CSMD1: variants seen among roughly 807,000 people sequenced by gnomAD.
CSMD1 encodes CUB and Sushi multiple domains 1.
Under a neutral mutation model 417.5 loss-of-function variants are expected in CSMD1, and 213 were observed. The observed-to-expected ratio is 0.51, with a 90% CI of 0.46 to 0.57. CSMD1 has a LOEUF of 0.57. Ranked by LOEUF, CSMD1 falls within the 20% of genes least tolerant of loss-of-function variation. The pLI is 0.00. For missense variants in CSMD1, 6,923 were observed against 4,529.7 expected (o/e 1.53, Z -15.17); for synonymous variants, 2,862 against 1,736.8 (o/e 1.65, Z -16.11).
At chr8:4,956,621 T>C (rs1809131647) in intron 1 of CSMD1, among the ~76,000 whole-genome samples, 1 of 151,680 alleles carries the variant, frequency 6.6e-6, no homozygotes, top group Non-Finnish European at 1.5e-5. Flanking sequence ...TATAAATATA[T>C]GTAAATGCAG....
intron 1 of CSMD1, among the ~76,000 whole-genome samples, chr8:4,945,678 G>T (rs58584343): frequency 3.7e-4 from 56 of 152,222 alleles, no homozygotes; most frequent in African/African-American, 1.3e-3. Flanking sequence ...CTTTTTTCAA[G>T]AGAACTTGGC....
chr8:4,577,476 C>T (rs1476897559), intron 2 of CSMD1, among the ~76,000 whole-genome samples: 3 of 152,212 alleles, frequency 2.0e-5, no homozygotes, highest in Non-Finnish European at 2.9e-5. Context: ...TCCCCTCCTT[C>T]CTCTTCCCTA....
At chr8:3,280,828 A>G (rs909416822) in intron 26 of CSMD1, among the ~76,000 whole-genome samples, 5 of 152,138 alleles carry the variant, frequency 3.3e-5, no homozygotes, top group Non-Finnish European at 7.3e-5. Context: ...ATGATCCTCA[A>G]ATAATTATAA....
intron 1 of CSMD1, among the ~76,000 whole-genome samples, chr8:4,768,239 T>C (rs1025424055): frequency 4.6e-5 from 7 of 152,128 alleles, no homozygotes; most frequent in African/African-American, 1.7e-4. Flanking sequence ...TGCTGCTCTG[T>C]GGGCTCCTCC....
intron 3 of CSMD1, among the ~76,000 whole-genome samples, chr8:4,351,307 T>C (rs1801078180): frequency 6.6e-6 from 1 of 152,254 alleles, no homozygotes; most frequent in Non-Finnish European, 1.5e-5. Context: ...TTTTCAATGC[T>C]AAATGTTTCT....
intron 3 of CSMD1, among the ~76,000 whole-genome samples, chr8:4,168,297 G>C (rs990623352): frequency 1.3e-5 from 2 of 151,840 alleles, no homozygotes; most frequent in Admixed American, 6.6e-5. Flanking sequence ...AGGAGGCTGA[G>C]GCAGAAAGGG....
At chr8:4,175,441 C>T (rs1164495256) in intron 3 of CSMD1, among the ~76,000 whole-genome samples, 1 of 149,864 alleles carries the variant, frequency 6.7e-6, no homozygotes, top group African/African-American at 2.5e-5. Flanking sequence ...AAGTAATTGA[C>T]ATCTTTATTT....
rs948233133 is a variant in CSMD1 at position 3,468,901 on chromosome 8, C to T, written c.1449-77G>A. ...ACTTCCACCTGAAAGGAGGGTCTTG[C>T]TGCTTTAAACAGCCAAACCCTAGAT... On this transcript the variant is annotated intron_variant, in intron 11 of 69. Transcript: ENST00000635120. 4.4e-6 allele frequency: 4 copies of T among 915,752 alleles called. No individual in the cohort carries two copies. The African/African-American group carries it at 4.9e-5, about 11-fold the overall frequency. 56.7% of individuals were successfully genotyped at this position (915,752 alleles called of 1,614,324 possible).
chr8:4,764,093 C>T (rs939575660), intron 1 of CSMD1, among the ~76,000 whole-genome samples: 10 of 152,194 alleles, frequency 6.6e-5, no homozygotes, highest in Admixed American at 6.5e-4. Flanking sequence ...ATGCAATCTC[C>T]ACCTCCAGAG....
chr8:4,169,966 T>C (rs1012487387), intron 3 of CSMD1, among the ~76,000 whole-genome samples: 1 of 151,936 alleles, frequency 6.6e-6, no homozygotes, highest in Non-Finnish European at 1.5e-5. Context: ...TTTTCCTCCA[T>C]ACTGTATCCT....
At chr8:3,238,241 G>A (rs2116952081) in intron 26 of CSMD1, among the ~76,000 whole-genome samples, 1 of 152,140 alleles carries the variant, frequency 6.6e-6, no homozygotes, top group Admixed American at 6.5e-5. Flanking sequence ...GATGAGCCAG[G>A]AGAAGGAATT....
chr8:4,837,666 A>C (rs1054456494), intron 1 of CSMD1, among the ~76,000 whole-genome samples: 1 of 152,204 alleles, frequency 6.6e-6, no homozygotes, highest in Non-Finnish European at 1.5e-5. Flanking sequence ...TACAAAAAAA[A>C]GTTAGAATAA....
chr8:3,115,394 G>C (rs1017165554), intron 42 of CSMD1, among the ~76,000 whole-genome samples: 4 of 152,056 alleles, frequency 2.6e-5, no homozygotes, highest in Non-Finnish European at 1.5e-5. Flanking sequence ...TAGAGTTGGG[G>C]TTTTGCCATG....
chr8:3,662,684 T>A (rs1017632028), intron 7 of CSMD1, among the ~76,000 whole-genome samples: 13 of 152,132 alleles, frequency 8.5e-5, no homozygotes, highest in African/African-American at 3.1e-4. Context: ...TTCATGTCCT[T>A]TGCAGGGACA....
intron 1 of CSMD1, among the ~76,000 whole-genome samples, chr8:4,812,915 A>G (rs1798992323): frequency 6.6e-6 from 1 of 152,210 alleles, no homozygotes; most frequent in Non-Finnish European, 1.5e-5. Context: ...GTATCAGTTT[A>G]TAGCAACACT....
chr8:3,459,562 C>A (rs367816236), intron 12 of CSMD1, among the ~76,000 whole-genome samples: 16 of 152,194 alleles, frequency 1.1e-4, no homozygotes, highest in Admixed American at 5.9e-4. Context: ...GAGATCTGTG[C>A]AGAAATGCAT....
intron 35 of CSMD1, 28 bp downstream of exon 35, chr8:3,188,859 T>G: frequency 6.5e-7 from 1 of 1,536,148 alleles, no homozygotes; most frequent in Non-Finnish European, 8.8e-7. Flanking sequence ...CTGAGCCCTG[T>G]TGTAGACTGT....
chr8:3,237,796 AT>A lies in CSMD1; in HGVS notation c.4154-7566del, dbSNP rs1181223154. Among the ~76,000 whole-genome samples, 41 of 120,254 alleles carry A rather than the reference AT, an allele frequency of 3.4e-4. 8 individuals carry two copies. The highest frequency in any genetic ancestry group is 9.4e-4 in the East Asian group (4 of 4,234). 78.9% of individuals were successfully genotyped at this position (120,254 alleles called of 152,430 possible). ...TTATAATTATACTTATACTACAAGT[AT>A]AATTTTTATAATTATACTTATACTA... On this transcript the variant is annotated intron_variant, in intron 26 of 69. Transcript: ENST00000635120.
intron 2 of CSMD1, among the ~76,000 whole-genome samples, chr8:4,513,353 G>A (rs562887072): frequency 8.5e-5 from 13 of 152,118 alleles, no homozygotes; most frequent in Admixed American, 3.9e-4. Flanking sequence ...AGCAAACATC[G>A]AAGCTACTAT....
Sources: allele counts gnomAD v4.1 joint callset (sites outside exome capture counted in the v4.1 genomes callset), GRCh38; gene constraint gnomAD v4.1.1; transcripts MANE v1.5; gene names NCBI Gene and HGNC (gene_info 2026-07-23, HGNC 2026-07-21).